The following CSMD3 variants were observed in gnomAD, a reference collection of about 807,000 sequenced individuals.
The protein encoded by CSMD3 is CUB and sushi domain-containing protein 3.
CSMD3 carries 177 observed loss-of-function variants against 435.2 expected under a neutral mutation model. That is an observed-to-expected ratio of 0.41 (90% CI 0.36 to 0.46). The LOEUF (loss-of-function observed/expected upper bound fraction) is 0.46, where lower values mean the gene tolerates loss of function less well. Among genes scored for constraint, CSMD3 ranks in the 20% least tolerant of loss-of-function variants. The pLI is 0.34. For synonymous variants in CSMD3, 1,656 were observed against 1,520.5 expected (o/e 1.09, Z -2.07); for missense variants, 4,265 against 4,504.6 (o/e 0.95, Z 1.52).
intron 37 of CSMD3, among the ~76,000 whole-genome samples, chr8:112,381,066 C>A (rs141722056): frequency 2.6e-4 from 39 of 152,148 alleles, no homozygotes; most frequent in Non-Finnish European, 4.6e-4. Flanking sequence ...AAATAATAAG[C>A]TTAATTTTGA....
intron 6 of CSMD3, among the ~76,000 whole-genome samples, chr8:113,011,369 T>C (rs181323602): frequency 2.0e-3 from 304 of 151,910 alleles, no homozygotes; most frequent in Non-Finnish European, 2.7e-3. Flanking sequence ...TAGCATTGTG[T>C]TTCCAATGTA....
In CSMD3 at chr8:113,420,572, A is replaced by T. The variant is rs573734168; in HGVS notation, c.178+16105T>A. Among the ~76,000 whole-genome samples the T allele has an allele frequency of 2.6e-4, 39 of 152,280 alleles. 1 individual carries two copies. In the South Asian group the frequency reaches 7.7e-3, roughly 30 times the overall value. On this transcript the variant is annotated intron_variant, in intron 1 of 70. Coordinates refer to ENST00000297405, the MANE Select transcript of CSMD3 (RefSeq NM_198123.2). The stretch of plus-strand genomic sequence containing the variant: ...CTACAATTTTATTCCTAGAAAAAAC[A>T]TTAAAATAATTCTTAGACTATGGGT...
chr8:112,847,661 G>A (rs2080363334), intron 11 of CSMD3, among the ~76,000 whole-genome samples: 1 of 152,124 alleles, frequency 6.6e-6, no homozygotes, highest in Non-Finnish European at 1.5e-5. Flanking sequence ...CCTGGCTGAG[G>A]TTTCAGACCT....
At chr8:112,304,672 G>A (rs750563194) in intron 52 of CSMD3, 49 bp downstream of exon 52, 11 of 1,398,186 alleles carry the variant, frequency 7.9e-6, no homozygotes, top group African/African-American at 7.1e-5. Flanking sequence ...CAAACAATTC[G>A]ATAACCAAAC....
chr8:113,255,735 T>A (rs933634378), intron 3 of CSMD3, among the ~76,000 whole-genome samples: 4 of 151,972 alleles, frequency 2.6e-5, no homozygotes, highest in Non-Finnish European at 5.9e-5. Flanking sequence ...AGATTTTGAA[T>A]CTGAAAATAT....
At chr8:112,400,593 G>T (rs147859057) in intron 35 of CSMD3, among the ~76,000 whole-genome samples, 1 of 152,180 alleles carries the variant, frequency 6.6e-6, no homozygotes, top group African/African-American at 2.4e-5. Context: ...TGCCCTAAAA[G>T]TAGGAAGTGA....
intron 24 of CSMD3, among the ~76,000 whole-genome samples, chr8:112,568,218 A>C (rs1355070276): frequency 6.6e-6 from 1 of 152,198 alleles, no homozygotes; most frequent in African/African-American, 2.4e-5. Flanking sequence ...ATTTGGGAGA[A>C]GAATATTTCC....
chr8:112,285,353 T>C (rs890553890), intron 58 of CSMD3, among the ~76,000 whole-genome samples: 1 of 152,100 alleles, frequency 6.6e-6, no homozygotes, highest in African/African-American at 2.4e-5. Flanking sequence ...CTTACTGTAT[T>C]TTACTCAGCA....
chr8:112,249,401 T>C (rs986405044), intron 63 of CSMD3, among the ~76,000 whole-genome samples: 1 of 152,040 alleles, frequency 6.6e-6, no homozygotes, highest in Non-Finnish European at 1.5e-5. Context: ...TCGTACTCAG[T>C]GGATCTGGGG....
intron 32 of CSMD3, among the ~76,000 whole-genome samples, chr8:112,411,352 A>G (rs1411781392): frequency 6.6e-6 from 1 of 151,826 alleles, no homozygotes; most frequent in African/African-American, 2.4e-5. Context: ...CTCGGTTGGG[A>G]GAGTTGAGAA....
intron 22 of CSMD3, among the ~76,000 whole-genome samples, chr8:112,602,030 C>CT (rs1322755257): frequency 3.3e-5 from 5 of 152,256 alleles, no homozygotes; most frequent in African/African-American, 1.2e-4. Flanking sequence ...AGATAGCTTC[C>CT]TGTGCATTTT....
At chr8:112,952,764 A>T (rs972551348) in intron 8 of CSMD3, among the ~76,000 whole-genome samples, 21 of 151,622 alleles carry the variant, frequency 1.4e-4, no homozygotes, top group African/African-American at 5.1e-4. Flanking sequence ...CAATGAATAA[A>T]TGCAAAATTT....
Position 112,360,973 on chromosome 8 carries a change from A to G in CSMD3, c.6137-8439T>C, listed in dbSNP as rs896178918. Among the ~76,000 whole-genome samples the G allele has an allele frequency of 8.5e-5, 13 of 152,156 alleles. 1 individual carries two copies. In the East Asian group the frequency reaches 2.5e-3, roughly 29 times the overall value. On this transcript the variant is annotated intron_variant, in intron 38 of 70. Transcript: ENST00000297405. Reference sequence around the variant, plus strand: ...CCATTTTTTAAATTTACACAAATAAATCTCCAAGTGGTTAAATATTAACTC... The same window carrying G: ...CCATTTTTTAAATTTACACAAATAAGTCTCCAAGTGGTTAAATATTAACTC...
intron 13 of CSMD3, among the ~76,000 whole-genome samples, chr8:112,789,148 C>T (rs1469714964): frequency 6.6e-6 from 1 of 152,038 alleles, no homozygotes; most frequent in Admixed American, 6.6e-5. Context: ...TCTTTCTTGG[C>T]TCAGTGCTAA....
At chr8:112,358,891 T>TA (rs1826902541) in intron 38 of CSMD3, among the ~76,000 whole-genome samples, 1 of 152,134 alleles carries the variant, frequency 6.6e-6, no homozygotes, top group African/African-American at 2.4e-5. Context: ...CATACCCACA[T>TA]ATCCCCTAAA....
At chr8:112,749,947 A>G (rs906977635) in intron 13 of CSMD3, among the ~76,000 whole-genome samples, 8 of 152,216 alleles carry the variant, frequency 5.3e-5, no homozygotes, top group African/African-American at 1.7e-4. Flanking sequence ...AATAAGCAAC[A>G]ATGCATCAAA....
chr8:112,359,098 T>C (rs1826922761), intron 38 of CSMD3, among the ~76,000 whole-genome samples: 1 of 152,130 alleles, frequency 6.6e-6, no homozygotes, highest in South Asian at 2.1e-4. Flanking sequence ...TTAAAAGCCA[T>C]TGTTTATTAT....
intron 13 of CSMD3, among the ~76,000 whole-genome samples, chr8:112,697,554 C>A (rs1347809025): frequency 6.8e-6 from 1 of 147,930 alleles, no homozygotes; most frequent in Non-Finnish European, 1.5e-5. Context: ...CACTTGGACA[C>A]AGGAAGGGGA....
At chr8:112,526,299 A>G (rs1355457318) in intron 27 of CSMD3, among the ~76,000 whole-genome samples, 1 of 152,030 alleles carries the variant, frequency 6.6e-6, no homozygotes, top group Non-Finnish European at 1.5e-5. Flanking sequence ...CAAAAACCCA[A>G]ACCTTTCTAG....
Sources: allele counts gnomAD v4.1 joint callset (sites outside exome capture counted in the v4.1 genomes callset), GRCh38; gene constraint gnomAD v4.1.1; transcripts MANE v1.5; gene names NCBI Gene and HGNC (gene_info 2026-07-23, HGNC 2026-07-21).